The following AIG1 variants were observed in gnomAD, a reference collection of about 807,000 sequenced individuals.
The protein encoded by AIG1 is androgen-induced gene 1 protein.
AIG1 carries 23 observed loss-of-function variants against 31.4 expected under a neutral mutation model. That is an observed-to-expected ratio of 0.73 (90% confidence interval 0.53 to 1.04). The LOEUF (loss-of-function observed/expected upper bound fraction) is 1.04, where lower values mean the gene tolerates loss of function less well. Ranked by LOEUF, AIG1 falls within the 50% of genes least tolerant of loss-of-function variation. The pLI is 0.00. For synonymous variants in AIG1, 100 were observed against 110.5 expected (o/e 0.90, Z 0.60); for missense variants, 274 against 295.0 (o/e 0.93, Z 0.52).
At chr6:143,101,827 A>G (rs1188177898) in intron 1 of AIG1, among the ~76,000 whole-genome samples, 2 of 152,200 alleles carry the variant, frequency 1.3e-5, no homozygotes, top group Admixed American at 6.5e-5. Flanking sequence ...AATAATAATA[A>G]TAAAAACTTC....
chr6:143,320,101 G>T (rs1485630061), intron 4 of AIG1, among the ~76,000 whole-genome samples: 2 of 152,070 alleles, frequency 1.3e-5, no homozygotes, highest in East Asian at 3.8e-4. Flanking sequence ...GACACACACG[G>T]CCAGCAAATA....
chr6:143,107,433 A>G (rs1378675369), intron 1 of AIG1, among the ~76,000 whole-genome samples: 5 of 152,354 alleles, frequency 3.3e-5, no homozygotes, highest in African/African-American at 1.2e-4. Context: ...TCTAGATTGT[A>G]GAAGCTAGCT....
chr6:143,234,985 G>A (rs1349711058), intron 3 of AIG1, among the ~76,000 whole-genome samples: 1 of 152,174 alleles, frequency 6.6e-6, no homozygotes, highest in Non-Finnish European at 1.5e-5. Context: ...TTCCTGGGGC[G>A]GGGGTGGAGA....
chr6:143,201,663 G>A (rs1415196494), intron 3 of AIG1, among the ~76,000 whole-genome samples: 1 of 152,144 alleles, frequency 6.6e-6, no homozygotes, highest in African/African-American at 2.4e-5. Flanking sequence ...CCACCAGTGT[G>A]GACATCTCCA....
At chr6:143,140,616 C>A (rs900887138) in intron 2 of AIG1, among the ~76,000 whole-genome samples, 1 of 152,172 alleles carries the variant, frequency 6.6e-6, no homozygotes, top group East Asian at 1.9e-4. Context: ...TTTACTTTTT[C>A]TGTGCCTCCT....
chr6:143,276,892 T>TC (rs1796960828), intron 3 of AIG1, among the ~76,000 whole-genome samples: 1 of 152,192 alleles, frequency 6.6e-6, no homozygotes, highest in Admixed American at 6.5e-5. Context: ...CATTTCTATC[T>TC]CCCTTGAAGA....
At chr6:143,230,024 A>G (rs1408240518) in intron 3 of AIG1, among the ~76,000 whole-genome samples, 1 of 152,134 alleles carries the variant, frequency 6.6e-6, no homozygotes, top group Non-Finnish European at 1.5e-5. Context: ...GACTAGCGCT[A>G]ATATCTCATC....
At chr6:143,205,370 C>T (rs1489674023) in intron 3 of AIG1, among the ~76,000 whole-genome samples, 1 of 152,158 alleles carries the variant, frequency 6.6e-6, no homozygotes, top group Non-Finnish European at 1.5e-5. Context: ...TGGCTTGGCT[C>T]CTGTTGTATC....
intron 3 of AIG1, among the ~76,000 whole-genome samples, chr6:143,229,791 A>C (rs866677142): frequency 2.0e-4 from 30 of 151,552 alleles, no homozygotes; most frequent in African/African-American, 6.8e-4. Flanking sequence ...GAACAAAAAA[A>C]AAAAAAAAAA....
At chr6:143,196,866 A>T (rs1285240610) in intron 3 of AIG1, among the ~76,000 whole-genome samples, 1 of 152,222 alleles carries the variant, frequency 6.6e-6, no homozygotes. Flanking sequence ...CTTCAGGAGC[A>T]TAAAATGTTA....
chr6:143,081,004 C>T (rs969274162), intron 1 of AIG1, among the ~76,000 whole-genome samples: 7 of 152,148 alleles, frequency 4.6e-5, no homozygotes, highest in African/African-American at 1.7e-4. Context: ...TGATATTTGG[C>T]TAAGGAGGTG....
chr6:143,094,934 A>C (rs1005106109), intron 1 of AIG1, among the ~76,000 whole-genome samples: 1 of 151,980 alleles, frequency 6.6e-6, no homozygotes, highest in African/African-American at 2.4e-5. Context: ...AACAGAGCAC[A>C]ATGCCATGAG....
In AIG1 at chr6:143,333,223, C is replaced by T. The variant is rs1024296212; in HGVS notation, c.516-59C>T. On this transcript the variant is annotated intron_variant, in intron 4 of 5. Coordinates refer to ENST00000357847, the MANE Select transcript of AIG1 (RefSeq NM_016108.4). This position sits in a 1 kb window ranked among gnomAD's most constrained non-coding sequence, Gnocchi z 4.6. ...GGAGTGTATATTTGCATCATAGCAGCTTTGATGCCTGCCATAAGAGTGACT... is the reference window on the plus strand; with the variant it reads ...GGAGTGTATATTTGCATCATAGCAGTTTTGATGCCTGCCATAAGAGTGACT... 6.7e-7 allele frequency: 1 copy of T among 1,496,594 alleles called. No homozygotes were observed. Among genetic ancestry groups the T allele is most frequent in the Non-Finnish European group, 8.9e-7 (1 of 1,118,102 alleles). 92.7% of individuals were successfully genotyped at this position (1,496,594 alleles called of 1,614,324 possible).
rs1332127436 is a variant in AIG1, at chr6:143,256,326, A to C, written c.400-27784A>C. Among the ~76,000 whole-genome samples the C allele has an allele frequency of 6.6e-6, 1 of 152,204 alleles. No homozygotes were observed. The highest frequency in any genetic ancestry group is 2.4e-5 in the African/African-American group (1 of 41,446). ...GGAAAAAGAAAATCAATGATACTTT[A>C]AAAGTTCCTCCAACCTCTTGTTTTC... On this transcript the variant is annotated intron_variant, in intron 3 of 5. Transcript: ENST00000357847. The surrounding 1 kb of genome is among the most constrained non-coding windows in gnomAD (Gnocchi z 4.6).
intron 4 of AIG1, among the ~76,000 whole-genome samples, chr6:143,287,734 C>T (rs1454425026): frequency 2.0e-5 from 1 of 49,350 alleles, no homozygotes; most frequent in Non-Finnish European, 3.3e-5. Flanking sequence ...TGCCTGACTA[C>T]AGTAAAAAAA....
intron 3 of AIG1, among the ~76,000 whole-genome samples, chr6:143,245,130 A>G (rs1177493204): frequency 1.3e-5 from 2 of 152,214 alleles, no homozygotes; most frequent in Admixed American, 6.5e-5. Flanking sequence ...ATTCAGTAAA[A>G]CATTGAACAT....
At chr6:143,064,629 T>G (rs543417947) in intron 1 of AIG1, among the ~76,000 whole-genome samples, 95 of 152,360 alleles carry the variant, frequency 6.2e-4, no homozygotes, top group African/African-American at 2.2e-3. Context: ...AACTTAACTC[T>G]TTTTGTACTT....
At chr6:143,171,421 T>A (rs1787513077) in intron 3 of AIG1, among the ~76,000 whole-genome samples, 2 of 107,780 alleles carry the variant, frequency 1.9e-5, no homozygotes, top group African/African-American at 3.8e-5. Context: ...TATATATATA[T>A]AATATATATA....
rs1777029361 is a variant in AIG1, at chr6:143,331,004, T to C, written c.516-2278T>C. On this transcript the variant is annotated intron_variant, in intron 4 of 5. Transcript: ENST00000357847. The surrounding 1 kb of genome is among the most constrained non-coding windows in gnomAD (Gnocchi z 4.1). The stretch of plus-strand genomic sequence containing the variant: ...AATCTTTGGACTAACATGGCCTCTT[T>C]TTTTGATACAAATATTTTTGTTTGG... Among the ~76,000 whole-genome samples, 1 of 152,206 alleles carries C rather than the reference T, an allele frequency of 6.6e-6. No homozygotes were observed. Among genetic ancestry groups the C allele is most frequent in the Admixed American group, 6.5e-5 (1 of 15,282 alleles).
Sources: gnomAD v4.1 joint callset for allele counts (sites outside exome capture counted in the v4.1 genomes callset) on GRCh38, gnomAD v4.1.1 for gene constraint, Gnocchi (gnomAD v3.1) non-coding constraint, MANE v1.5 for transcripts, NCBI Gene and HGNC (gene_info 2026-07-23, HGNC 2026-07-21) for gene names.